The following PCDHGB2 variants were observed in gnomAD, a reference collection of about 807,000 sequenced individuals.
The protein encoded by PCDHGB2 is protocadherin gamma subfamily B, 2, also known as protocadherin gamma-B2.
In PCDHGB2, 55 loss-of-function variants were observed where a neutral mutation model predicts 59.3. That is an observed-to-expected ratio of 0.93 (90% CI 0.75 to 1.16). The LOEUF (loss-of-function observed/expected upper bound fraction) is 1.16. Ranked by LOEUF, PCDHGB2 falls within the 50% of genes most tolerant of loss-of-function variation. The pLI, the probability that PCDHGB2 is intolerant of heterozygous loss-of-function variation, is 0.00. For synonymous variants in PCDHGB2, 516 were observed against 512.0 expected (o/e 1.01, Z -0.11); for missense variants, 1,228 against 1,198.5 (o/e 1.02, Z -0.36).
intron 1 of PCDHGB2, among the ~76,000 whole-genome samples, chr5:141,453,176 C>T (rs1225418058): frequency 6.6e-6 from 1 of 152,042 alleles, no homozygotes; most frequent in Non-Finnish European, 1.5e-5. Flanking sequence ...TCCAGTGGTA[C>T]AATCACAGCT....
intron 1 of PCDHGB2, chr5:141,376,544 G>C: frequency 6.2e-7 from 1 of 1,612,818 alleles, no homozygotes; most frequent in South Asian, 1.1e-5. Context: ...AGAGTAATCT[G>C]ATCTTCCCGC....
intron 1 of PCDHGB2, among the ~76,000 whole-genome samples, chr5:141,433,534 C>T (rs2097618995): frequency 6.6e-6 from 1 of 152,088 alleles, no homozygotes; most frequent in Admixed American, 6.5e-5. Context: ...GTGCCCCGCC[C>T]TTATCAGATA....
At chr5:141,407,943 T>C (rs575027782) in intron 1 of PCDHGB2, 7 of 537,790 alleles carry the variant, frequency 1.3e-5, no homozygotes, top group African/African-American at 7.6e-5. Flanking sequence ...TGGGCGCCGC[T>C]GTCGGCCAGT....
Position 141,423,412 on chromosome 5 carries a change from T to C in PCDHGB2, c.2421+60856T>C, listed in dbSNP as rs754410783. 4 of 1,614,166 alleles carry C rather than the reference T, an allele frequency of 2.5e-6. No individual in the cohort carries two copies. The Admixed American group carries it at 6.7e-5, about 27-fold the overall frequency. The stretch of plus-strand genomic sequence containing the variant: ...GCATAAGTCACGCCTGCTGCAGGCT[T>C]CTGAAGGCGGGTTGGCAGGTATGCC... On this transcript the variant is annotated intron_variant, in intron 1 of 3. Coordinates refer to ENST00000522605, the MANE Select transcript of PCDHGB2 (RefSeq NM_018923.3).
chr5:141,383,123 T>C, intron 1 of PCDHGB2: 1 of 1,614,066 alleles, frequency 6.2e-7, no homozygotes, highest in Non-Finnish European at 8.5e-7. Context: ...ACGCAGCTTT[T>C]CGCCCTGAAC....
chr5:141,485,726 C>G lies in PCDHGB2; in HGVS notation c.2422-9081C>G. On this transcript the variant is annotated intron_variant, in intron 1 of 3. Transcript: ENST00000522605. The surrounding 1 kb of genome is among the most constrained non-coding windows in gnomAD (Gnocchi z 5.7). ...ACACTTTGCACTGGATGTGAAGAAG[C>G]GCAGCGACGGCAGCCTGGTCCCAGA... 2 of 1,614,140 alleles carry G rather than the reference C, an allele frequency of 1.2e-6. No individual in the cohort carries two copies. The highest frequency in any genetic ancestry group is 1.1e-5 in the South Asian group (1 of 91,082).
chr5:141,458,059 T>A (rs533147047), intron 1 of PCDHGB2, among the ~76,000 whole-genome samples: 1 of 152,238 alleles, frequency 6.6e-6, no homozygotes, highest in Admixed American at 6.5e-5. Flanking sequence ...CTTGCTGCAC[T>A]GATGCGAACA....
In PCDHGB2 at chr5:141,502,866, C is replaced by CT. The variant is rs549047197; in HGVS notation, c.2481-2513dup. ...GAGCTGCCTAACCCTGACTCTCTGT[C>CT]TTTTTTTTTTTTTTGACAGGGAGTC... On this transcript the variant is annotated intron_variant, in intron 2 of 3. Transcript: ENST00000522605. Among the ~76,000 whole-genome samples, 1,216 of 127,988 alleles carry CT rather than the reference C, an allele frequency of 9.5e-3. 34 individuals are homozygous for CT. Among genetic ancestry groups the CT allele is most frequent in the Non-Finnish European group, 0.015 (955 of 62,394 alleles). The allele number at this position is 127,988 out of a possible 152,430, so 84.0% of individuals were successfully genotyped here.
chr5:141,417,682 AAAAG>A (rs2096147308), intron 1 of PCDHGB2: 2 of 1,035,494 alleles, frequency 1.9e-6, no homozygotes, highest in Non-Finnish European at 2.7e-6. Context: ...CCAACAACAG[AAAAG>A]AAAACCAGCT....
At chr5:141,473,511 C>T (rs952034051) in intron 1 of PCDHGB2, among the ~76,000 whole-genome samples, 23 of 152,108 alleles carry the variant, frequency 1.5e-4, no homozygotes, top group Non-Finnish European at 3.1e-4. Flanking sequence ...GAGAGCATAA[C>T]AAAGGATCCT....
At position 141,385,367 on chromosome 5, in the gene PCDHGB2, A is replaced by G. The variant is rs764038151; in HGVS notation, c.2421+22811A>G. 2.0e-5 allele frequency: 31 copies of G among 1,536,828 alleles called. 1 individual carries two copies. In the South Asian group the frequency reaches 3.9e-4, roughly 19 times the overall value. On this transcript the variant is annotated intron_variant, in intron 1 of 3. Coordinates refer to ENST00000522605, the MANE Select transcript of PCDHGB2 (RefSeq NM_018923.3). ...TTATTTCCATGAGGAATTTATTTGCATGATATTTCTCTATTATTTTGCAAA... is the reference window on the plus strand; with the variant it reads ...TTATTTCCATGAGGAATTTATTTGCGTGATATTTCTCTATTATTTTGCAAA...
rs1212833348 is a variant in PCDHGB2 at position 141,431,379 on chromosome 5, C to T, written c.2422-63428C>T. On this transcript the variant is annotated intron_variant, in intron 1 of 3. Transcript: ENST00000522605. The surrounding 1 kb of genome is among the most constrained non-coding windows in gnomAD (Gnocchi z 4.8). ...GCCCTGGACCGCGAAGAAAAGGCTG[C>T]TCACCACCTGGTCCTTACGGCCTCC... is the stretch of plus-strand genomic sequence containing the variant. 3 of 1,613,946 alleles carry T rather than the reference C, an allele frequency of 1.9e-6. No individual in the cohort carries two copies. Among genetic ancestry groups the T allele is most frequent in the Non-Finnish European group, 2.5e-6 (3 of 1,180,020 alleles).
At chr5:141,422,296 A>T (rs200545713) in intron 1 of PCDHGB2, 6 of 1,550,706 alleles carry the variant, frequency 3.9e-6, no homozygotes, top group Non-Finnish European at 4.3e-6. Context: ...TATTAATTCA[A>T]TTCTGGAAAA....
At position 141,491,770 on chromosome 5, in the gene PCDHGB2, G is replaced by C. The variant is rs1230581925; in HGVS notation, c.2422-3037G>C. 1 of 1,560,888 alleles carries C rather than the reference G, an allele frequency of 6.4e-7. No individual in the cohort carries two copies. Among genetic ancestry groups the C allele is most frequent in the Non-Finnish European group, 8.7e-7 (1 of 1,154,942 alleles). On this transcript the variant is annotated intron_variant, in intron 1 of 3. Coordinates refer to ENST00000522605, the MANE Select transcript of PCDHGB2 (RefSeq NM_018923.3). This position sits in a 1 kb window ranked among gnomAD's most constrained non-coding sequence, Gnocchi z 6.9. ...TGGAGAAGCCGCCCGTCCTCATAAG[G>C]GATTGAACTTGCATCCACTCCTCTC...
At position 141,371,777 on chromosome 5, in the gene PCDHGB2, A is replaced by G. The variant is rs368442078; in HGVS notation, c.2421+9221A>G. On this transcript the variant is annotated intron_variant, in intron 1 of 3. Coordinates refer to ENST00000522605, the MANE Select transcript of PCDHGB2 (RefSeq NM_018923.3). ...ACCAGGCCTCCTACACCGTGCATGT[A>G]GCTGAGAACAATCCGCCTGGAGCCT... The G allele has an allele frequency of 9.9e-6, 16 of 1,613,872 alleles. No individual in the cohort carries two copies. In the African/African-American group the frequency reaches 1.7e-4, roughly 17 times the overall value.
chr5:141,360,925 G>A lies in PCDHGB2; in HGVS notation c.790G>A (p.Val264Met). 1 of 1,614,018 alleles carries A rather than the reference G, an allele frequency of 6.2e-7. No homozygotes were observed. The highest frequency in any genetic ancestry group is 8.5e-7 in the Non-Finnish European group (1 of 1,179,906). Residue 264 changes from valine to methionine, a missense_variant, in exon 1 of 4, where the codon GTG (valine) becomes ATG (methionine). By Grantham distance (21) the Val-to-Met change is conservative. Around this residue, in one of 3 missense-constraint regions of PCDHGB2, gnomAD observed 781 missense variants for 721.6 expected, o/e 1.08. Coordinates refer to ENST00000522605, the MANE Select transcript of PCDHGB2 (RefSeq NM_018923.3). The stretch of plus-strand genomic sequence containing the variant: ...GCCGCCGGGCTTCTTTGTGCTTCAA[G>A]TGACAGCCACCGACCGGGATGAAGG... ...DVPPGFFVLQ[V>M]TATDRDEGIN...
chr5:141,410,945 C>A, intron 1 of PCDHGB2: 1 of 192,458 alleles, frequency 5.2e-6, no homozygotes, highest in Non-Finnish European at 1.0e-5. Context: ...CCTCCGCCTT[C>A]TGGGTTCAAG....
chr5:141,395,264 A>C (rs2093207486), intron 1 of PCDHGB2: 1 of 1,549,832 alleles, frequency 6.5e-7, no homozygotes, highest in Non-Finnish European at 8.7e-7. Context: ...GCTTGCTTTT[A>C]ATTTCCAGAT....
Position 141,432,151 on chromosome 5 carries a change from C to T in PCDHGB2, c.2422-62656C>T. 2 of 1,614,122 alleles carry T rather than the reference C, an allele frequency of 1.2e-6. No homozygotes were observed. The highest frequency in any genetic ancestry group is 2.2e-5 in the South Asian group (2 of 91,066). ...CCTATTCCGCTTATATCCCAGAGAA[C>T]AATCCCAGAGGAGTTTCCCTCGTCT... On this transcript the variant is annotated intron_variant, in intron 1 of 3. Transcript: ENST00000522605. The surrounding 1 kb of genome is among the most constrained non-coding windows in gnomAD (Gnocchi z 6.0).
Sources: gnomAD v4.1 joint callset for allele counts (sites outside exome capture counted in the v4.1 genomes callset) on GRCh38, gnomAD v4.1.1 for gene constraint, gnomAD v4.1.1 regional missense constraint, Gnocchi (gnomAD v3.1) non-coding constraint, MANE v1.5 for transcripts, NCBI Gene and HGNC (gene_info 2026-07-23, HGNC 2026-07-21) for gene names.